HYDIN: variants seen among roughly 807,000 people sequenced by gnomAD.
HYDIN encodes HYDIN axonemal central pair apparatus protein.
In HYDIN, 132 loss-of-function variants were observed where a neutral mutation model predicts 403.9. The ratio of observed to expected loss-of-function variants is 0.33; its 90% CI spans 0.28 to 0.38. The LOEUF (loss-of-function observed/expected upper bound fraction) is 0.38, where lower values mean the gene tolerates loss of function less well. Ranked by LOEUF, HYDIN falls within the 10% of genes least tolerant of loss-of-function variation. HYDIN has a pLI of 1.00. For synonymous variants in HYDIN, 1,202 were observed against 1,891.7 expected, an observed-to-expected ratio of 0.64 and a Z score of 9.46; for missense variants, 2,827 against 5,009.5, an observed-to-expected ratio of 0.56 and a Z score of 13.15.
chr16:70,882,876 A>G lies in HYDIN; in HGVS notation c.9999T>C (p.Asn3333=). 2 of 1,583,076 alleles carry G rather than the reference A, an allele frequency of 1.3e-6. No individual in the cohort carries two copies. The highest frequency in any genetic ancestry group is 4.5e-5 in the East Asian group (2 of 44,708). Residue 3333 remains asparagine, a synonymous_variant, in exon 60 of 86, where the codon AAT becomes AAC. Transcript: ENST00000393567. ...TCTGGTGCTCTTCAAATATCAAGGC[A>G]TTGTTTTCGGTCACGAAGGCTGGGG... ...ACLPAFVTEN[N]ALIFEEHQIC...
intron 1 of HYDIN, among the ~76,000 whole-genome samples, chr16:71,209,875 G>T (rs564781553): frequency 1.3e-5 from 2 of 152,208 alleles, no homozygotes; most frequent in East Asian, 1.9e-4. Flanking sequence ...ACTGTTCAAA[G>T]AAATCAGAGA....
At chr16:71,098,255 G>A (rs1185291051) in intron 10 of HYDIN, among the ~76,000 whole-genome samples, 2 of 148,406 alleles carry the variant, frequency 1.3e-5, no homozygotes, top group Non-Finnish European at 3.0e-5. Flanking sequence ...AGGCTGGAGT[G>A]CAGTGGTGCG....
chr16:70,864,840 C>A (rs997772451), intron 67 of HYDIN, among the ~76,000 whole-genome samples: 2 of 152,090 alleles, frequency 1.3e-5, no homozygotes, highest in Non-Finnish European at 1.5e-5. Flanking sequence ...TGCAATGACT[C>A]AGCTCTGCCT....
intron 1 of HYDIN, among the ~76,000 whole-genome samples, chr16:71,212,730 C>T (rs1732335198): frequency 6.7e-6 from 1 of 150,340 alleles, no homozygotes. Context: ...TCACTGAAGG[C>T]TTGAGTGAAG....
At chr16:71,072,502 A>C (rs2082498430) in intron 13 of HYDIN, among the ~76,000 whole-genome samples, 1 of 152,140 alleles carries the variant, frequency 6.6e-6, no homozygotes, top group Admixed American at 6.6e-5. Context: ...TTACACTACA[A>C]GAGTTAAAAA....
intron 6 of HYDIN, among the ~76,000 whole-genome samples, chr16:71,159,752 T>A (rs1264198539): frequency 6.6e-6 from 1 of 151,048 alleles, no homozygotes; most frequent in East Asian, 1.9e-4. Context: ...GACAATTGAG[T>A]GACATATTTA....
At chr16:70,839,920 C>G (rs565933487) in intron 76 of HYDIN, 144 bp downstream of exon 76, 3 of 551,438 alleles carry the variant, frequency 5.4e-6, no homozygotes, top group Admixed American at 6.3e-5. Flanking sequence ...GGGACAGGGA[C>G]CTAGGATTCA....
chr16:71,017,626 A>C (rs1193242455), intron 23 of HYDIN, among the ~76,000 whole-genome samples: 1 of 151,380 alleles, frequency 6.6e-6, no homozygotes, highest in Non-Finnish European at 1.5e-5. Context: ...AATAAAATCA[A>C]AGAGTAGAAT....
intron 8 of HYDIN, chr16:71,132,923 G>A (rs1429757784): frequency 5.5e-5 from 9 of 164,164 alleles, no homozygotes; most frequent in African/African-American, 2.2e-4. Flanking sequence ...GATAGTCATG[G>A]TTTCTTGCAC....
chr16:71,179,220 G>A (rs1487794329), intron 3 of HYDIN, among the ~76,000 whole-genome samples, 173 bp from the exon 4 acceptor site: 2 of 151,800 alleles, frequency 1.3e-5, no homozygotes, highest in Non-Finnish European at 2.9e-5. Flanking sequence ...CAGGACAAAA[G>A]AATGTGTAAA....
chr16:71,183,793 T>G (rs529343494), intron 3 of HYDIN, among the ~76,000 whole-genome samples: 1 of 152,196 alleles, frequency 6.6e-6, no homozygotes, highest in East Asian at 1.9e-4. Flanking sequence ...TGATTAAATC[T>G]CAGCATATAA....
Position 70,882,653 on chromosome 16 carries a change from G to C in HYDIN, c.10215+7C>G, listed in dbSNP as rs9932260. Reference sequence around the variant, plus strand: ...CGCTGGGCCAGGGGCCATTGGGAGCGTCTTACCTTATTGGAGATAGGCCTG... The same window carrying C: ...CGCTGGGCCAGGGGCCATTGGGAGCCTCTTACCTTATTGGAGATAGGCCTG... On this transcript the variant is annotated splice_region_variant and intron_variant, in intron 60 of 85. Coordinates refer to ENST00000393567, the MANE Select transcript of HYDIN (RefSeq NM_001270974.2). 7 of 1,513,910 alleles carry C rather than the reference G, an allele frequency of 4.6e-6. No homozygotes were observed. Among genetic ancestry groups the C allele is most frequent in the Non-Finnish European group, 5.5e-6 (6 of 1,095,576 alleles). 93.8% of individuals were successfully genotyped at this position (1,513,910 alleles called of 1,614,324 possible). A position where few individuals can be genotyped will look rare whatever the true frequency, so the allele number is the denominator to read the frequency against.
intron 23 of HYDIN, among the ~76,000 whole-genome samples, chr16:70,999,982 CAGGT>C (rs1214112190): frequency 6.6e-6 from 1 of 151,982 alleles, no homozygotes; most frequent in Non-Finnish European, 1.5e-5. Context: ...GGCTGCCAAA[CAGGT>C]AGGCTGTGAA....
intron 1 of HYDIN, among the ~76,000 whole-genome samples, chr16:71,206,615 A>G (rs1256822137): frequency 6.6e-6 from 1 of 152,244 alleles, no homozygotes; most frequent in African/African-American, 2.4e-5. Flanking sequence ...GAATATGGAT[A>G]GAAACTAAGA....
In HYDIN at chr16:70,975,024, C is replaced by T. The variant is rs1037404960; in HGVS notation, c.4772+112G>A. Reference sequence around the variant, plus strand: ...TAAGTGAGGAGAGTGGATTTCATTGCGAGGTGATCAGCCAGTGTTTCCGGG... The same window carrying T: ...TAAGTGAGGAGAGTGGATTTCATTGTGAGGTGATCAGCCAGTGTTTCCGGG... On this transcript the variant is annotated intron_variant, in intron 31 of 85. Transcript: ENST00000393567. 1.2e-4 allele frequency: 62 copies of T among 508,840 alleles called. 1 individual carries two copies. Among genetic ancestry groups the T allele is most frequent in the East Asian group, 7.3e-4 (22 of 30,186 alleles). 31.5% of individuals were successfully genotyped at this position (508,840 alleles called of 1,614,324 possible).
Position 71,038,798 on chromosome 16 carries a change from A to G in HYDIN, c.2530-6881T>C, listed in dbSNP as rs1597614015. Among the ~76,000 whole-genome samples, 3 of 151,730 alleles carry G rather than the reference A, an allele frequency of 2.0e-5. No individual in the cohort carries two copies. In the East Asian group the frequency reaches 5.9e-4, roughly 30 times the overall value. ...GCCTCAGCCTCCAGAGTAGCTGATT[A>G]CAGGCATGTGCCACCATGCCTGGCT... is the stretch of plus-strand genomic sequence containing the variant. On this transcript the variant is annotated intron_variant, in intron 18 of 85. Transcript: ENST00000393567.
intron 56 of HYDIN, 143 bp downstream of exon 56, chr16:70,892,218 C>G: frequency 2.7e-6 from 2 of 738,576 alleles, no homozygotes; most frequent in Non-Finnish European, 4.1e-6. Context: ...AGGACAGAAC[C>G]CCGGTGTATC....
Position 70,964,913 on chromosome 16 carries a change from A to G in HYDIN, c.5620-17T>C. 6.2e-7 allele frequency: 1 copy of G among 1,613,364 alleles called. No homozygotes were observed. Among genetic ancestry groups the G allele is most frequent in the Non-Finnish European group, 8.5e-7 (1 of 1,179,840 alleles). ...CCGCAAGATCTGCTCGAGGGGAGAA[A>G]GAGAATCCTGTTGGTCTCACTAGAA... On this transcript the variant is annotated splice_polypyrimidine_tract_variant and intron_variant, in intron 36 of 85. Transcript: ENST00000393567.
intron 75 of HYDIN, among the ~76,000 whole-genome samples, chr16:70,848,940 T>G (rs569499373): frequency 1.3e-5 from 2 of 149,324 alleles, no homozygotes; most frequent in Non-Finnish European, 3.0e-5. Context: ...CTAAGGTCAA[T>G]GCTCCCTCAG....
Sources: gnomAD v4.1 joint callset for allele counts (sites outside exome capture counted in the v4.1 genomes callset) on GRCh38, gnomAD v4.1.1 for gene constraint, MANE v1.5 for transcripts, NCBI Gene and HGNC (gene_info 2026-07-23, HGNC 2026-07-21) for gene names.